The following URB1 variants were observed in gnomAD, a reference collection of about 807,000 sequenced individuals.
URB1 encodes the protein URB1 ribosome biogenesis factor, also known as nucleolar pre-ribosomal-associated protein 1.
Under a neutral mutation model 242.3 loss-of-function variants are expected in URB1, and 197 were observed. The ratio of observed to expected loss-of-function variants is 0.81; its 90% CI spans 0.72 to 0.91. URB1 has a LOEUF of 0.91. Ranked by LOEUF, URB1 falls within the 40% of genes least tolerant of loss-of-function variation. The probability of loss-of-function intolerance (pLI) is 0.00; values close to 1 mark genes in which losing one functional copy is unlikely to be tolerated. For synonymous variants in URB1, 1,153 were observed against 1,201.8 expected, an observed-to-expected ratio of 0.96 and a Z score of 0.84; for missense variants, 2,721 against 2,860.5, an observed-to-expected ratio of 0.95 and a Z score of 1.11.
At chr21:32,338,113 G>A (rs2123566895) in intron 26 of URB1, among the ~76,000 whole-genome samples, 1 of 152,328 alleles carries the variant, frequency 6.6e-6, no homozygotes, top group Non-Finnish European at 1.5e-5. Context: ...ACCCTGTGGT[G>A]ATTGCTAATA....
rs74514552 is a variant in URB1, at chr21:32,344,744, G to A, written c.4083C>T (p.Ala1361=). 3.3e-3 allele frequency: 5,091 copies of A among 1,550,742 alleles called. 144 individuals are homozygous for A. In the African/African-American group the frequency reaches 0.059, roughly 18 times the overall value. ...TPSSHKRWIV[A]DSISAALEGS... ...CTTCCAGAGCTGCTGAAATGGAGTC[G>A]GCCACGATCCACCTGCAGCAGGAGA... is the stretch of plus-strand genomic sequence containing the variant. The change falls in exon 24 of 39, where the codon GCC becomes GCT. Residue 1361 remains alanine, a synonymous_variant. Coordinates refer to ENST00000382751, the MANE Select transcript of URB1 (RefSeq NM_014825.3).
rs1261845751 is a variant in URB1, at chr21:32,347,759, C to G, written c.3065G>C (p.Trp1022Ser). 6.5e-7 allele frequency: 1 copy of G among 1,549,096 alleles called. No individual in the cohort carries two copies. Among genetic ancestry groups the G allele is most frequent in the Non-Finnish European group, 8.7e-7 (1 of 1,146,940 alleles). ...AILRHPTLEG[W>S]FLALEQQALP... ...GGCCTGCTGCTCCAGGGCCAGGAAC[C>G]AGCCCTCCAGGGTGGGGTGCCTGAG... Residue 1022 changes from tryptophan to serine, a missense_variant, in exon 22 of 39, where the codon TGG becomes TCG. Physicochemically the swap from Trp to Ser is radical, Grantham distance 177. Transcript: ENST00000382751.
rs1186600334 is a variant in URB1, at chr21:32,312,395, G to C, written c.*2523C>G. The C allele has an allele frequency of 3.6e-5, 38 of 1,054,802 alleles. No individual in the cohort carries two copies. The highest frequency in any genetic ancestry group is 3.8e-5 in the Non-Finnish European group (32 of 835,920). 65.3% of individuals were successfully genotyped at this position (1,054,802 alleles called of 1,614,324 possible). On this transcript the variant is annotated 3_prime_UTR_variant, in exon 39 of 39. Transcript: ENST00000382751. Reference sequence around the variant, plus strand: ...TTCTGTACCTTTGTTAGGATGCTGGGTAAGTTCCCATCCAAGCTCCACTAA... The same window carrying C: ...TTCTGTACCTTTGTTAGGATGCTGGCTAAGTTCCCATCCAAGCTCCACTAA...
At chr21:32,327,997 A>AT (rs1292379044) in intron 30 of URB1, among the ~76,000 whole-genome samples, 1 of 152,256 alleles carries the variant, frequency 6.6e-6, no homozygotes, top group African/African-American at 2.4e-5. Context: ...GTCAGATTAG[A>AT]TAAAAAGCAG....
chr21:32,324,686 G>A, intron 31 of URB1, 84 bp from the exon 32 acceptor site: 1 of 1,042,266 alleles, frequency 9.6e-7, no homozygotes, highest in Non-Finnish European at 1.4e-6. Context: ...CCGAACCAGG[G>A]CTCGGCAGGG....
In URB1 at chr21:32,338,920, G is replaced by A. The variant is rs9978210; in HGVS notation, c.4317-20C>T. The A allele has an allele frequency of 6.6e-7, 1 of 1,517,592 alleles. No individual in the cohort carries two copies. The highest frequency in any genetic ancestry group is 8.9e-7 in the Non-Finnish European group (1 of 1,125,866). 94.0% of individuals were successfully genotyped at this position (1,517,592 alleles called of 1,614,324 possible). A position where few individuals can be genotyped will look rare whatever the true frequency, so the allele number is the denominator to read the frequency against. Reference sequence around the variant, plus strand: ...CGAAATCTAGGCGGCGAGAGTCAAAGGGAAAAGAGCTTTGCTAAAAGGAAA... The same window carrying A: ...CGAAATCTAGGCGGCGAGAGTCAAAAGGAAAAGAGCTTTGCTAAAAGGAAA... On this transcript the variant is annotated intron_variant, in intron 25 of 38. Coordinates refer to ENST00000382751, the MANE Select transcript of URB1 (RefSeq NM_014825.3).
At chr21:32,318,025 C>G (rs1010520107) in intron 36 of URB1, 108 bp from the exon 37 acceptor site, 1 of 1,410,404 alleles carries the variant, frequency 7.1e-7, no homozygotes. Flanking sequence ...CACACAGTCC[C>G]TCCAGGAACC....
intron 1 of URB1, among the ~76,000 whole-genome samples, chr21:32,387,112 A>G (rs1486639761): frequency 6.6e-6 from 1 of 152,086 alleles, no homozygotes; most frequent in African/African-American, 2.4e-5. Context: ...TTCCCCACTC[A>G]AAAATCTCCC....
At chr21:32,328,403 G>C (rs1405907723) in intron 30 of URB1, among the ~76,000 whole-genome samples, 1 of 152,192 alleles carries the variant, frequency 6.6e-6, no homozygotes, top group Non-Finnish European at 1.5e-5. Context: ...CTCCCAAAGT[G>C]CTGGGATTAC....
Position 32,347,452 on chromosome 21 carries a change from G to A in URB1, c.3372C>T (p.Thr1124=), listed in dbSNP as rs1415142220. ...TCTCAGGCAGGCTCAGCAAGGCCAG[G>A]GTGACCTCACGGAGCTGGGCACCCT... ...YMEGAQLREV[T]LALLSLPETH... is the part of the protein sequence containing the mutation. Residue 1124 remains threonine, a synonymous_variant, in exon 22 of 39, where the codon ACC becomes ACT. Transcript: ENST00000382751. 6.4e-7 allele frequency: 1 copy of A among 1,550,984 alleles called. No homozygotes were observed. Among genetic ancestry groups the A allele is most frequent in the African/African-American group, 1.4e-5 (1 of 73,048 alleles).
At chr21:32,348,829 C>T (rs1419428651) in intron 21 of URB1, among the ~76,000 whole-genome samples, 1 of 152,238 alleles carries the variant, frequency 6.6e-6, no homozygotes, top group Non-Finnish European at 1.5e-5. Flanking sequence ...CAACAAGGAA[C>T]GTGTCTGCCT....
At chr21:32,369,982 A>C (rs2033389329) in intron 8 of URB1, among the ~76,000 whole-genome samples, 1 of 151,530 alleles carries the variant, frequency 6.6e-6, no homozygotes, top group Non-Finnish European at 1.5e-5. Context: ...TCTCAAAAAA[A>C]AAAAAAAAAA....
At chr21:32,366,139 T>C (rs759178153) in intron 10 of URB1, among the ~76,000 whole-genome samples, 1 of 152,150 alleles carries the variant, frequency 6.6e-6, no homozygotes, top group African/African-American at 2.4e-5. Context: ...CAAAAATGCC[T>C]GAAAACAGCT....
rs572946065 is a variant in URB1 at position 32,334,963 on chromosome 21, C to A, written c.4686-629G>T. Among the ~76,000 whole-genome samples the A allele has an allele frequency of 2.2e-4, 34 of 152,282 alleles. No homozygotes were observed. In the South Asian group the frequency reaches 6.6e-3, roughly 30 times the overall value. On this transcript the variant is annotated intron_variant, in intron 28 of 38. Transcript: ENST00000382751. ...CCTTCCTTCCTCCTAGAAAATGACT[C>A]CAGCCTAGCACTTCCCCCAACTCTC...
In URB1 at chr21:32,311,798, G is replaced by C; in HGVS notation, c.*3120C>G. The C allele has an allele frequency of 6.2e-7, 1 of 1,614,116 alleles. No homozygotes were observed. The highest frequency in any genetic ancestry group is 8.5e-7 in the Non-Finnish European group (1 of 1,180,040). On this transcript the variant is annotated 3_prime_UTR_variant, in exon 39 of 39. Coordinates refer to ENST00000382751, the MANE Select transcript of URB1 (RefSeq NM_014825.3). Reference sequence around the variant, plus strand: ...AACCCCTGGCAACCTCACAGGCTCAGGCGAGCTCAGTGGAGCCAGGGAGCA... The same window carrying C: ...AACCCCTGGCAACCTCACAGGCTCACGCGAGCTCAGTGGAGCCAGGGAGCA...
intron 30 of URB1, among the ~76,000 whole-genome samples, chr21:32,326,003 C>A (rs2032824971): frequency 6.6e-6 from 1 of 152,118 alleles, no homozygotes; most frequent in South Asian, 2.1e-4. Flanking sequence ...GGCTGGTATC[C>A]ATTTGCCATT....
At chr21:32,362,500 G>A (rs553870399) in intron 11 of URB1, among the ~76,000 whole-genome samples, 5 of 152,242 alleles carry the variant, frequency 3.3e-5, no homozygotes, top group East Asian at 3.9e-4. Flanking sequence ...GAGCCACCGC[G>A]CCCAACCATG....
intron 34 of URB1, among the ~76,000 whole-genome samples, chr21:32,320,860 G>A (rs925983779): frequency 1.3e-5 from 2 of 152,142 alleles, no homozygotes; most frequent in African/African-American, 2.4e-5. Flanking sequence ...CTCTGGGCCC[G>A]GGGATCCCCA....
At chr21:32,390,604 T>G (rs918241526) in intron 1 of URB1, among the ~76,000 whole-genome samples, 1 of 152,244 alleles carries the variant, frequency 6.6e-6, no homozygotes, top group African/African-American at 2.4e-5. Context: ...TTTCTTTTGC[T>G]GTGCACAAGC....
Sources: allele counts gnomAD v4.1 joint callset (sites outside exome capture counted in the v4.1 genomes callset), GRCh38; gene constraint gnomAD v4.1.1; transcripts MANE v1.5; gene names NCBI Gene and HGNC (gene_info 2026-07-23, HGNC 2026-07-21).